PIGV: variants seen among roughly 807,000 people sequenced by gnomAD.
PIGV encodes the protein phosphatidylinositol glycan anchor biosynthesis class V.
In PIGV, 27 loss-of-function variants were observed where a neutral mutation model predicts 39.2. The ratio of observed to expected loss-of-function variants is 0.69; its 90% CI spans 0.51 to 0.95. The LOEUF is 0.95. PIGV is among the 40% of genes least tolerant of loss of function. PIGV has a pLI of 0.00. For missense variants in PIGV, 523 were observed against 586.4 expected (o/e 0.89, Z 1.12); for synonymous variants, 232 against 241.7 (o/e 0.96, Z 0.37).
chr1:26,790,633 C>T (rs2081297237), intron 1 of PIGV, 126 bp from the exon 2 acceptor site: 1 of 628,384 alleles, frequency 1.6e-6, no homozygotes, highest in Non-Finnish European at 2.9e-6. Context: ...GCTTTCCCCT[C>T]ATCTGGGAAG....
intron 2 of PIGV, among the ~76,000 whole-genome samples, chr1:26,792,279 A>G (rs562462143): frequency 9.9e-5 from 15 of 151,560 alleles, no homozygotes; most frequent in African/African-American, 3.6e-4. Context: ...CAGGCTCTGA[A>G]GTAGCTGAGG....
At chr1:26,791,848 A>C (rs902785097) in intron 2 of PIGV, among the ~76,000 whole-genome samples, 5 of 152,242 alleles carry the variant, frequency 3.3e-5, no homozygotes, top group Non-Finnish European at 7.3e-5. Context: ...AGCCTTAAAA[A>C]TGGTGCTATG....
chr1:26,789,235 C>G (rs112360020), intron 1 of PIGV, among the ~76,000 whole-genome samples: 1 of 152,236 alleles, frequency 6.6e-6, no homozygotes, highest in African/African-American at 2.4e-5. Flanking sequence ...CTGTCTGGGG[C>G]TTTCAGAAGC....
rs538741201 is a variant in PIGV, at chr1:26,789,269, G to T, written c.-58+1001G>T. Reference sequence around the variant, plus strand: ...GCTTGCCTTTGAACCGAATTTTCGTGAGCCAACCGGTGTGGAATTGGGGGC... The same window carrying T: ...GCTTGCCTTTGAACCGAATTTTCGTTAGCCAACCGGTGTGGAATTGGGGGC... On this transcript the variant is annotated intron_variant, in intron 1 of 3. Coordinates refer to ENST00000674202, the MANE Select transcript of PIGV (RefSeq NM_017837.4). 1.1e-4 allele frequency among the ~76,000 whole-genome samples: 17 copies of T among 152,350 alleles called. No homozygotes were observed. In the South Asian group the frequency reaches 2.7e-3, roughly 24 times the overall value.
chr1:26,795,377 T>C lies in PIGV; in HGVS notation c.1200+143T>C, dbSNP rs1165147809. 3.7e-6 allele frequency: 4 copies of C among 1,090,754 alleles called. No homozygotes were observed. The Admixed American group carries it at 7.9e-5, about 22-fold the overall frequency. 67.6% of individuals were successfully genotyped at this position (1,090,754 alleles called of 1,614,324 possible). A position where few individuals can be genotyped will look rare whatever the true frequency, so the allele number is the denominator to read the frequency against. Reference sequence around the variant, plus strand: ...AATGACTATTTAGGGTTATTCTTTATGCCAGACTCTGGGTCAGACCTCTAA... The same window carrying C: ...AATGACTATTTAGGGTTATTCTTTACGCCAGACTCTGGGTCAGACCTCTAA... On this transcript the variant is annotated intron_variant, in intron 3 of 3. Transcript: ENST00000674202.
At chr1:26,787,074 C>T (rs1464709779), upstream of PIGV, among the ~76,000 whole-genome samples, 1 of 152,142 alleles carries the variant, frequency 6.6e-6, no homozygotes, top group Non-Finnish European at 1.5e-5. Flanking sequence ...TAACCCGGCC[C>T]CTGGCTTCGT....
In PIGV at chr1:26,795,120, G is replaced by C; in HGVS notation, c.1086G>C (p.Lys362Asn). 6.2e-7 allele frequency: 1 copy of C among 1,614,124 alleles called. No homozygotes were observed. The highest frequency in any genetic ancestry group is 8.5e-7 in the Non-Finnish European group (1 of 1,180,014). ...LCLTLGLQRS[K>N]NNKTLEKPDL... The stretch of plus-strand genomic sequence containing the variant: ...TTACACTTGGGCTGCAAAGGAGCAA[G>C]AACAATAAGACCCTAGAGAAGCCCG... Residue 362 changes from lysine to asparagine, a missense_variant, in exon 3 of 4, where the codon AAG (lysine) becomes AAC (asparagine). Transcript: ENST00000674202.
At position 26,799,992 on chromosome 1, in the gene PIGV, T is replaced by A. The variant is rs574261056; in HGVS notation, c.*2148T>A. ...CTCCTCTTTGCCTCCTTTTGGGGGATAATCAGGACTGATTATTCCTCTACT... is the reference window on the plus strand; with the variant it reads ...CTCCTCTTTGCCTCCTTTTGGGGGAAAATCAGGACTGATTATTCCTCTACT... On this transcript the variant is annotated 3_prime_UTR_variant, in exon 4 of 4. Coordinates refer to ENST00000674202, the MANE Select transcript of PIGV (RefSeq NM_017837.4). 2.6e-4 allele frequency among the ~76,000 whole-genome samples: 40 copies of A among 152,314 alleles called. No individual in the cohort carries two copies. The highest frequency in any genetic ancestry group is 4.7e-4 in the Non-Finnish European group (32 of 68,028).
rs2081422409 is a variant in PIGV, at chr1:26,799,050, GC to G, written c.*1207del. ...CCCCAGTCTAAATGCTAATGTAGAGGCTTAAATGTGTGATTTTAGGAGAAAA... is the reference window on the plus strand; with the variant it reads ...CCCCAGTCTAAATGCTAATGTAGAGGTTAAATGTGTGATTTTAGGAGAAAA... On this transcript the variant is annotated 3_prime_UTR_variant, in exon 4 of 4. Coordinates refer to ENST00000674202, the MANE Select transcript of PIGV (RefSeq NM_017837.4). Among the ~76,000 whole-genome samples the G allele has an allele frequency of 6.6e-6, 1 of 152,178 alleles. No homozygotes were observed. The highest frequency in any genetic ancestry group is 2.4e-5 in the African/African-American group (1 of 41,436).
At position 26,794,649 on chromosome 1, in the gene PIGV, C is replaced by T. The variant is rs34512715; in HGVS notation, c.615C>T (p.Asn205=). 1.7e-3 allele frequency: 2,703 copies of T among 1,614,208 alleles called. 37 individuals are homozygous for T. The African/African-American group carries it at 0.03, about 18-fold the overall frequency. ...CCTTTGCCACTGGGGTACGCTCCAACGGGCTGGTCAGTGTTGGCTTCCTCA... is the reference window on the plus strand; with the variant it reads ...CCTTTGCCACTGGGGTACGCTCCAATGGGCTGGTCAGTGTTGGCTTCCTCA... ...LFAFATGVRS[N]GLVSVGFLMH... Residue 205 remains asparagine, a synonymous_variant, in exon 3 of 4, where the codon AAC becomes AAT. Transcript: ENST00000674202.
intron 2 of PIGV, 105 bp downstream of exon 2, chr1:26,790,998 T>C: frequency 1.1e-6 from 1 of 937,504 alleles, no homozygotes; most frequent in South Asian, 1.3e-5. Flanking sequence ...TGCCCCTCCA[T>C]GTGGTTGGAA....
rs997028891 is a variant in PIGV, at chr1:26,795,020, T to A, written c.986T>A (p.Leu329Gln). 12 of 1,614,094 alleles carry A rather than the reference T, an allele frequency of 7.4e-6. No homozygotes were observed. In the African/African-American group the frequency reaches 1.5e-4, roughly 20 times the overall value. Residue 329 changes from leucine (L) to glutamine (Q), a missense_variant, in exon 3 of 4, where the codon CTA (leucine) becomes CAA (glutamine). Transcript: ENST00000674202. Reference sequence around the variant, plus strand: ...GAGCTCAAGCAGGTGCCCAATTTTCTACTGGCTGCACCAGTGGCTATACTG... The same window carrying A: ...GAGCTCAAGCAGGTGCCCAATTTTCAACTGGCTGCACCAGTGGCTATACTG... ...YYELKQVPNFLLAAPVAILVA... is the reference protein window; with the variant it reads ...YYELKQVPNFQLAAPVAILVA...
At chr1:26,792,761 G>T (rs1400241521) in intron 2 of PIGV, among the ~76,000 whole-genome samples, 1 of 152,160 alleles carries the variant, frequency 6.6e-6, no homozygotes, top group Non-Finnish European at 1.5e-5. Flanking sequence ...AATCCTTGAC[G>T]GTTTTGGCTC....
At chr1:26,789,025 G>T (rs1485829684) in intron 1 of PIGV, 1 of 152,282 alleles carries the variant, frequency 6.6e-6, no homozygotes, top group African/African-American at 2.4e-5. Context: ...TGGTCAAGTG[G>T]CAGAGGTGGG....
chr1:26,795,661 C>G (rs112535818), intron 3 of PIGV, among the ~76,000 whole-genome samples: 9,549 of 128,696 alleles, frequency 0.074, 359 homozygotes, highest in Non-Finnish European at 0.081. Context: ...AGTGAGCTGA[C>G]ATTGCACCAC....
intron 1 of PIGV, among the ~76,000 whole-genome samples, chr1:26,790,375 G>GA (rs894979105): frequency 2.7e-4 from 39 of 145,922 alleles, no homozygotes; most frequent in South Asian, 4.3e-4. Flanking sequence ...TGTGAGATAG[G>GA]AAAAAAAAAA....
In PIGV at chr1:26,794,358, A is replaced by G. The variant is rs376858853; in HGVS notation, c.324A>G (p.Leu108=). The G allele has an allele frequency of 1.9e-6, 3 of 1,614,096 alleles. No individual in the cohort carries two copies. The African/African-American group carries it at 4.0e-5, about 22-fold the overall frequency. The change falls in exon 3 of 4, where the codon TTA becomes TTG. Residue 108 remains leucine (L), a synonymous_variant. Coordinates refer to ENST00000674202, the MANE Select transcript of PIGV (RefSeq NM_017837.4). ...GTELLRPLRG[L]LSLRSCLLIS... Reference sequence around the variant, plus strand: ...AACTGTTGAGACCCTTACGGGGGTTACTGAGTCTACGCAGTTGCCTGCTGA... The same window carrying G: ...AACTGTTGAGACCCTTACGGGGGTTGCTGAGTCTACGCAGTTGCCTGCTGA...
At position 26,800,593 on chromosome 1, in the gene PIGV, CTGAT is replaced by C. The variant is rs1570651516; in HGVS notation, c.*2755_*2758del. Among the ~76,000 whole-genome samples the C allele has an allele frequency of 6.6e-6, 1 of 152,220 alleles. No individual in the cohort carries two copies. The highest frequency in any genetic ancestry group is 1.5e-5 in the Non-Finnish European group (1 of 68,010). On this transcript the variant is annotated 3_prime_UTR_variant, in exon 4 of 4. Transcript: ENST00000674202. ...ATGTGCAGGCTCAAGGGATTTGAAA[CTGAT>C]TGATTCTTTCAGTAATTGTTTATTA... is the stretch of plus-strand genomic sequence containing the variant.
intron 1 of PIGV, 174 bp downstream of exon 1, chr1:26,788,442 G>C (rs1254289011): frequency 2.0e-5 from 3 of 152,324 alleles, no homozygotes; most frequent in African/African-American, 7.2e-5. Context: ...GTCTTACCCA[G>C]AGGGTCCAGA....
Sources: allele counts gnomAD v4.1 joint callset (sites outside exome capture counted in the v4.1 genomes callset), GRCh38; gene constraint gnomAD v4.1.1; transcripts MANE v1.5; gene names NCBI Gene and HGNC (gene_info 2026-07-23, HGNC 2026-07-21).